PRRG1: variants seen among roughly 807,000 people sequenced by gnomAD.
PRRG1 encodes proline rich and Gla domain 1.
Under a neutral mutation model 11.8 loss-of-function variants are expected in PRRG1, and 5 were observed. That is an observed-to-expected ratio of 0.42 (90% CI 0.22 to 0.89). PRRG1 has a LOEUF of 0.89. PRRG1 is among the 40% of genes least tolerant of loss of function. PRRG1 has a pLI of 0.28. For missense variants in PRRG1, 155 were observed against 166.1 expected (o/e 0.93, Z 0.37); for synonymous variants, 66 against 60.4 (o/e 1.09, Z -0.43).
intron 1 of PRRG1, among the ~76,000 whole-genome samples, chrX:37,389,764 C>G (rs138597911): frequency 0.02 from 2,201 of 111,238 alleles, 55 homozygotes; most frequent in African/African-American, 0.068. Flanking sequence ...GGACAGAGAT[C>G]CAAACCATAT....
chrX:37,385,093 T>A (rs1931282849), intron 1 of PRRG1, among the ~76,000 whole-genome samples: 1 of 111,919 alleles, frequency 8.9e-6, no homozygotes, highest in Non-Finnish European at 1.9e-5. Context: ...TAACTTAAAT[T>A]TCTGTCAATA....
chrX:37,403,811 G>A (rs1932107344), intron 1 of PRRG1: 2 of 711,407 alleles, frequency 2.8e-6, no homozygotes, highest in Admixed American at 8.9e-5. Flanking sequence ...GGGGCTTGAG[G>A]TGATATGGGT....
intron 3 of PRRG1, chrX:37,441,573 C>T (rs782749150): frequency 1.0e-5 from 8 of 772,119 alleles, no homozygotes; most frequent in Non-Finnish European, 1.1e-5. Context: ...ACCCCAACTG[C>T]GAGGCCGCTG....
chrX:37,366,063 T>G (rs1348253855), intron 1 of PRRG1, among the ~76,000 whole-genome samples: 1 of 112,578 alleles, frequency 8.9e-6, no homozygotes, highest in Non-Finnish European at 1.9e-5. Context: ...TTAAATGTTA[T>G]TCTAGTACTT....
At chrX:37,437,563 G>A (rs1001341506) in intron 3 of PRRG1, among the ~76,000 whole-genome samples, 12 of 112,263 alleles carry the variant, frequency 1.1e-4, no homozygotes, top group African/African-American at 3.9e-4. Context: ...AAGCAGTACT[G>A]TCATGGTTAG....
intron 1 of PRRG1, among the ~76,000 whole-genome samples, chrX:37,390,847 G>A (rs957288787): frequency 8.9e-6 from 1 of 112,218 alleles, no homozygotes; most frequent in Non-Finnish European, 1.9e-5. Context: ...AAAACTGGAT[G>A]GCAACTGGCT....
chrX:37,379,990 A>G (rs1931102728), intron 1 of PRRG1, among the ~76,000 whole-genome samples: 1 of 111,702 alleles, frequency 9.0e-6, no homozygotes, highest in African/African-American at 3.2e-5. Flanking sequence ...AGATATTCAG[A>G]GGACAGAGTG....
intron 1 of PRRG1, among the ~76,000 whole-genome samples, chrX:37,390,975 G>A (rs1249883186): frequency 1.8e-5 from 2 of 112,341 alleles, no homozygotes; most frequent in East Asian, 2.8e-4. Flanking sequence ...CCATGTGCTT[G>A]CTCTTATGGT....
intron 1 of PRRG1, among the ~76,000 whole-genome samples, chrX:37,401,942 C>T (rs1213903205): frequency 9.1e-6 from 1 of 110,421 alleles, no homozygotes; most frequent in Non-Finnish European, 1.9e-5. Flanking sequence ...TGTGAAGGAC[C>T]TCTTCAAGGA....
Position 37,454,999 on chromosome X carries a change from G to T in PRRG1, c.*1378G>T, listed in dbSNP as rs782775690. 8.9e-6 allele frequency: 1 copy of T among 111,968 alleles called. No homozygotes were observed. Among genetic ancestry groups the T allele is most frequent in the African/African-American group, 3.2e-5 (1 of 30,845 alleles). The allele number at this position is 111,968 out of a possible 1,213,427, so 9.2% of individuals were successfully genotyped here. A position where few individuals can be genotyped will look rare whatever the true frequency, so the allele number is the denominator to read the frequency against. ...ATTTGTACCACTTCCAAACTTTTCA[G>T]CGTTGGATAAAATGATTGATGAGGC... On this transcript the variant is annotated 3_prime_UTR_variant, in exon 4 of 4. Transcript: ENST00000378628.
intron 1 of PRRG1, among the ~76,000 whole-genome samples, chrX:37,376,306 G>T (rs7891453): frequency 0.014 from 1,434 of 105,320 alleles, 32 homozygotes; most frequent in African/African-American, 0.045. Context: ...TTGTATGCTG[G>T]GTTCTTTTGA....
intron 1 of PRRG1, chrX:37,403,684 T>A: frequency 1.8e-6 from 1 of 570,880 alleles, no homozygotes; most frequent in African/African-American, 3.1e-5. Flanking sequence ...AAAATGAATC[T>A]TAACACACAC....
At chrX:37,441,094 A>G (rs1007646507) in intron 3 of PRRG1, 9 of 935,807 alleles carry the variant, frequency 9.6e-6, no homozygotes, top group Non-Finnish European at 1.1e-5. Flanking sequence ...ATTTAAACTC[A>G]AGGCAAACTC....
chrX:37,445,103 AG>A (rs1556394837), intron 3 of PRRG1, among the ~76,000 whole-genome samples: 4 of 111,973 alleles, frequency 3.6e-5, no homozygotes. Flanking sequence ...AATGAGAAAA[AG>A]GGAACACATT....
chrX:37,354,945 T>C (rs1377923261), intron 1 of PRRG1, among the ~76,000 whole-genome samples: 5 of 110,731 alleles, frequency 4.5e-5, no homozygotes, highest in African/African-American at 1.6e-4. Context: ...ACAGGGCCTT[T>C]CTGATGCCCA....
intron 3 of PRRG1, among the ~76,000 whole-genome samples, chrX:37,437,653 G>T (rs782486696): frequency 2.6e-4 from 29 of 112,059 alleles, no homozygotes; most frequent in Non-Finnish European, 4.5e-4. Context: ...TTCAAATTGG[G>T]ATTTGAGTAG....
At chrX:37,394,407 G>A (rs1025384378) in intron 1 of PRRG1, among the ~76,000 whole-genome samples, 1 of 111,588 alleles carries the variant, frequency 9.0e-6, no homozygotes, top group African/African-American at 3.3e-5. Context: ...TTAAAAATTA[G>A]AAGGGCCTTG....
chrX:37,377,360 G>T (rs782232128), intron 1 of PRRG1, among the ~76,000 whole-genome samples: 1 of 111,839 alleles, frequency 8.9e-6, no homozygotes, highest in South Asian at 3.7e-4. Context: ...CAAAGTAAAT[G>T]AGATTATTAA....
At chrX:37,399,450 C>T (rs1414286046) in intron 1 of PRRG1, among the ~76,000 whole-genome samples, 2 of 109,269 alleles carry the variant, frequency 1.8e-5, no homozygotes, top group Non-Finnish European at 3.8e-5. Flanking sequence ...TTGTCACCAC[C>T]AGGCCTGCCC....
Sources: allele counts gnomAD v4.1 joint callset (sites outside exome capture counted in the v4.1 genomes callset), GRCh38; gene constraint gnomAD v4.1.1; transcripts MANE v1.5; gene names NCBI Gene and HGNC (gene_info 2026-07-23, HGNC 2026-07-21).